The following SCHIP1 variants were observed in gnomAD, a reference collection of about 807,000 sequenced individuals.
The protein encoded by SCHIP1 is schwannomin interacting protein 1, also known as schwannomin-interacting protein 1.
SCHIP1 carries 8 observed loss-of-function variants against 29.7 expected under a neutral mutation model. The ratio of observed to expected loss-of-function variants is 0.27; its 90% CI spans 0.16 to 0.49. The LOEUF is 0.49. Ranked by LOEUF, SCHIP1 falls within the 20% of genes least tolerant of loss-of-function variation. The pLI, the probability that SCHIP1 is intolerant of heterozygous loss-of-function variation, is 0.99. For synonymous variants in SCHIP1, 76 were observed against 94.9 expected, an observed-to-expected ratio of 0.80 and a Z score of 1.16; for missense variants, 193 against 294.6, an observed-to-expected ratio of 0.66 and a Z score of 2.52.
At chr3:159,769,173 G>A in the SCHIP1 span, among the ~76,000 whole-genome samples, 24 of 151,724 alleles carry the variant, frequency 1.6e-4, 1 homozygote, top group Admixed American at 9.2e-4. Flanking sequence ...TTATGAGAGC[G>A]GGCCACAAAC....
At chr3:159,690,653 G>T in the SCHIP1 span, among the ~76,000 whole-genome samples, 1 of 152,048 alleles carries the variant, frequency 6.6e-6, no homozygotes, top group Admixed American at 6.6e-5. Flanking sequence ...GAATTTGTTT[G>T]CTTTTGCATC....
chr3:159,359,730 C>T, the SCHIP1 span, among the ~76,000 whole-genome samples: 4 of 152,160 alleles, frequency 2.6e-5, no homozygotes, highest in Admixed American at 2.0e-4. Flanking sequence ...AATGAAAGGA[C>T]TGAATGCCAA....
chr3:159,293,048 A>G, the SCHIP1 span, among the ~76,000 whole-genome samples: 4 of 152,244 alleles, frequency 2.6e-5, no homozygotes, highest in Admixed American at 6.5e-5. Flanking sequence ...TCCATAATCA[A>G]CATCACTTTG....
the SCHIP1 span, among the ~76,000 whole-genome samples, chr3:159,735,803 G>T: frequency 1.3e-5 from 2 of 152,110 alleles, no homozygotes; most frequent in African/African-American, 4.8e-5. Flanking sequence ...TAAACGAAGA[G>T]CAGGTCACAC....
chr3:159,564,788 T>C, the SCHIP1 span, among the ~76,000 whole-genome samples: 1 of 152,352 alleles, frequency 6.6e-6, no homozygotes, highest in South Asian at 2.1e-4. Context: ...TGTTGTTTCA[T>C]ATGGCAGTAC....
At chr3:159,867,605 T>C (rs922811457) in intron 2 of SCHIP1, among the ~76,000 whole-genome samples, 1 of 152,134 alleles carries the variant, frequency 6.6e-6, no homozygotes, top group Non-Finnish European at 1.5e-5. Context: ...CTCAGAACAT[T>C]CCCTTGTGTT....
At chr3:159,367,902 T>C in the SCHIP1 span, among the ~76,000 whole-genome samples, 59 of 152,346 alleles carry the variant, frequency 3.9e-4, no homozygotes, top group African/African-American at 1.2e-3. Context: ...CATGCTTTGG[T>C]AACTCAGAAT....
the SCHIP1 span, among the ~76,000 whole-genome samples, chr3:159,323,205 G>A: frequency 6.6e-6 from 1 of 152,146 alleles, no homozygotes; most frequent in Non-Finnish European, 1.5e-5. Flanking sequence ...TCCAAATGTT[G>A]CAAATTTAGA....
chr3:159,470,887 T>C, the SCHIP1 span, among the ~76,000 whole-genome samples: 2 of 152,106 alleles, frequency 1.3e-5, no homozygotes, highest in East Asian at 3.9e-4. Flanking sequence ...GAAACCAGAC[T>C]CAAAAGACTA....
the SCHIP1 span, among the ~76,000 whole-genome samples, chr3:159,610,697 C>T: frequency 6.6e-6 from 1 of 151,978 alleles, no homozygotes; most frequent in African/African-American, 2.4e-5. Context: ...AGCGTGAAAT[C>T]GTCTTTTGCT....
At chr3:159,879,047 G>A (rs182188129) in intron 2 of SCHIP1, among the ~76,000 whole-genome samples, 1 of 151,182 alleles carries the variant, frequency 6.6e-6, no homozygotes, top group African/African-American at 2.4e-5. Context: ...CTTAACAGTC[G>A]GAAACTTTCA....
At chr3:159,803,162 A>T in the SCHIP1 span, among the ~76,000 whole-genome samples, 2,071 of 150,104 alleles carry the variant, frequency 0.014, 46 homozygotes, top group Non-Finnish European at 0.016. Context: ...CCATATGCCC[A>T]GCTAAAAGGT....
chr3:159,325,699 A>G, the SCHIP1 span, among the ~76,000 whole-genome samples: 2 of 151,948 alleles, frequency 1.3e-5, no homozygotes, highest in Admixed American at 6.6e-5. Context: ...TTAATTGTCA[A>G]TTTACTCTAA....
chr3:159,383,282 G>A, the SCHIP1 span, among the ~76,000 whole-genome samples: 2 of 151,722 alleles, frequency 1.3e-5, no homozygotes, highest in Non-Finnish European at 1.5e-5. Context: ...ATTAATTTTT[G>A]TATAAGATGT....
At chr3:159,652,672 T>C in the SCHIP1 span, among the ~76,000 whole-genome samples, 6 of 152,126 alleles carry the variant, frequency 3.9e-5, no homozygotes, top group Middle Eastern at 6.8e-3. Context: ...GGGTGTGCAA[T>C]GACGACTGTT....
At chr3:159,545,935 AT>A in the SCHIP1 span, among the ~76,000 whole-genome samples, 2 of 151,746 alleles carry the variant, frequency 1.3e-5, no homozygotes, top group African/African-American at 4.8e-5. Flanking sequence ...TCTTTTAAAC[AT>A]TTTTTCAAAA....
chr3:159,491,661 T>A, the SCHIP1 span, among the ~76,000 whole-genome samples: 18 of 152,258 alleles, frequency 1.2e-4, no homozygotes, highest in African/African-American at 4.3e-4. Flanking sequence ...CCTGCCTCTA[T>A]AGGCTCCACC....
At chr3:159,664,642 A>C in the SCHIP1 span, among the ~76,000 whole-genome samples, 3 of 152,230 alleles carry the variant, frequency 2.0e-5, no homozygotes, top group African/African-American at 7.2e-5. Context: ...GCCACATCGG[A>C]AAGTGTTGCA....
the SCHIP1 span, among the ~76,000 whole-genome samples, chr3:159,782,341 CAGTTATAAACT>C: frequency 6.6e-6 from 1 of 152,196 alleles, no homozygotes; most frequent in Non-Finnish European, 1.5e-5. Flanking sequence ...TTTCCACTTT[CAGTTATAAACT>C]ACTATACCAA....
Sources: gnomAD v4.1 joint callset for allele counts (sites outside exome capture counted in the v4.1 genomes callset) on GRCh38, gnomAD v4.1.1 for gene constraint, MANE v1.5 for transcripts, NCBI Gene and HGNC (gene_info 2026-07-23, HGNC 2026-07-21) for gene names.